SEZ6L: variants seen among roughly 807,000 people sequenced by gnomAD.
SEZ6L encodes seizure 6-like protein.
In SEZ6L, 37 loss-of-function variants were observed where a neutral mutation model predicts 106.2. The ratio of observed to expected loss-of-function variants is 0.35; its 90% CI spans 0.27 to 0.46. SEZ6L has a LOEUF of 0.46. Among genes scored for constraint, SEZ6L ranks in the 20% least tolerant of loss-of-function variants. The pLI is 1.00. For missense variants in SEZ6L, 1,172 were observed against 1,332.8 expected (o/e 0.88, Z 1.88); for synonymous variants, 541 against 570.4 (o/e 0.95, Z 0.73).
chr22:26,222,339 GGC>G (rs1391465716), intron 1 of SEZ6L, among the ~76,000 whole-genome samples: 1 of 152,206 alleles, frequency 6.6e-6, no homozygotes, highest in Non-Finnish European at 1.5e-5. Context: ...GAGGTTAAGT[GGC>G]TTATGCAAGG....
At chr22:26,274,749 G>A (rs867662793) in intron 1 of SEZ6L, among the ~76,000 whole-genome samples, 33 of 152,286 alleles carry the variant, frequency 2.2e-4, no homozygotes, top group Non-Finnish European at 4.3e-4. Flanking sequence ...CTCCGTGTGG[G>A]GCCCCATGGA....
intron 9 of SEZ6L, among the ~76,000 whole-genome samples, chr22:26,336,917 G>A (rs1029680236): frequency 6.6e-6 from 1 of 152,154 alleles, no homozygotes; most frequent in Admixed American, 6.5e-5. Context: ...ATCCAAAGAA[G>A]GATGATGGTG....
Position 26,299,044 on chromosome 22 carries a change from A to G in SEZ6L, c.1223A>G (p.Asp408Gly), listed in dbSNP as rs1252819140. 2 of 1,606,740 alleles carry G rather than the reference A, an allele frequency of 1.2e-6. No individual in the cohort carries two copies. The highest frequency in any genetic ancestry group is 4.5e-5 in the East Asian group (2 of 44,098). ...GACTCTGGGGATGTCACGGTGATGG[A>G]CCTGCACTCAGGTGGGGTGGCCCAC... ...RPDSGDVTVMDLHSGGVAHFH... is the reference protein window; with the variant it reads ...RPDSGDVTVMGLHSGGVAHFH... The change falls in exon 5 of 17, where the codon GAC becomes GGC. Residue 408 changes from aspartate (D) to glycine (G), a missense_variant. By Grantham distance (94) the Asp-to-Gly change is moderately conservative. This residue lies in a region of SEZ6L where 534 missense variants were observed against 691.0 expected (regional missense o/e 0.77). Transcript: ENST00000248933.
At chr22:26,361,766 T>G (rs1054596568) in intron 12 of SEZ6L, among the ~76,000 whole-genome samples, 1 of 152,122 alleles carries the variant, frequency 6.6e-6, no homozygotes, top group Non-Finnish European at 1.5e-5. Context: ...ATGTGCATCC[T>G]GAGCCCTTGG....
At chr22:26,318,396 G>T (rs1251760194) in intron 9 of SEZ6L, among the ~76,000 whole-genome samples, 1 of 130,360 alleles carries the variant, frequency 7.7e-6, no homozygotes, top group Non-Finnish European at 1.6e-5. Context: ...TTTAAAAATA[G>T]CATCCCCTCC....
intron 1 of SEZ6L, among the ~76,000 whole-genome samples, chr22:26,234,292 C>T (rs777967933): frequency 1.6e-4 from 25 of 152,166 alleles, no homozygotes; most frequent in Non-Finnish European, 2.4e-4. Flanking sequence ...CCAAAGCCCA[C>T]GCTCTCTTGG....
intron 12 of SEZ6L, 141 bp downstream of exon 12, chr22:26,351,384 A>T (rs2083273326): frequency 1.5e-6 from 1 of 647,456 alleles, no homozygotes; most frequent in Non-Finnish European, 2.6e-6. Flanking sequence ...ACAAAACAGT[A>T]CCTAACACTG....
At chr22:26,331,912 A>G (rs1476293275) in intron 9 of SEZ6L, among the ~76,000 whole-genome samples, 1 of 151,964 alleles carries the variant, frequency 6.6e-6, no homozygotes, top group Non-Finnish European at 1.5e-5. Context: ...AAACCCGGGG[A>G]GGGTGGAGGT....
chr22:26,280,413 G>A (rs2080724381), intron 1 of SEZ6L, among the ~76,000 whole-genome samples: 1 of 151,938 alleles, frequency 6.6e-6, no homozygotes, highest in Non-Finnish European at 1.5e-5. Flanking sequence ...TTCTTTCAAA[G>A]TTCCTTTATG....
At chr22:26,291,747 T>A (rs1416952376) in intron 1 of SEZ6L, among the ~76,000 whole-genome samples, 2 of 152,218 alleles carry the variant, frequency 1.3e-5, no homozygotes. Flanking sequence ...TGCCCAACTG[T>A]ACATGGCATG....
intron 11 of SEZ6L, among the ~76,000 whole-genome samples, chr22:26,348,638 AAGAAAGAAAAAGAAAGAAAG>A (rs1408606061): frequency 4.1e-4 from 13 of 31,478 alleles, no homozygotes; most frequent in East Asian, 2.8e-3. Context: ...GAAAGAAAGA[AAGAAAGAAAAAGAAAGAAAG>A]AAAGAAAGAA....
At chr22:26,210,549 T>C (rs745955147) in intron 1 of SEZ6L, among the ~76,000 whole-genome samples, 22 of 152,334 alleles carry the variant, frequency 1.4e-4, no homozygotes, top group Admixed American at 1.1e-3. Context: ...CACGCCACAG[T>C]GGCCTAGTCA....
chr22:26,292,593 C>T lies in SEZ6L; in HGVS notation c.282C>T (p.His94=), dbSNP rs372902970. 5.0e-6 allele frequency: 8 copies of T among 1,613,574 alleles called. No homozygotes were observed. The highest frequency in any genetic ancestry group is 1.3e-5 in the African/African-American group (1 of 75,030). The part of the protein sequence containing the change: ...VLDGTAPSAH[H]DIPALSPLLP... ...ATGGGACCGCACCCTCTGCACATCACGACATCCCAGCCCTGTCACCGCTGC... is the reference window on the plus strand; with the variant it reads ...ATGGGACCGCACCCTCTGCACATCATGACATCCCAGCCCTGTCACCGCTGC... The change falls in exon 2 of 17, where the codon CAC becomes CAT. Residue 94 remains histidine, a synonymous_variant. Transcript: ENST00000248933.
chr22:26,169,729 G>A lies in SEZ6L; in HGVS notation c.60G>A (p.Leu20=). The stretch of plus-strand genomic sequence containing the variant: ...GCGGGATCTCGCTGTTCCTCGCTCT[G>A]CTCCTGGGGAGCCCGGCGGCAGCGC... The part of the protein sequence containing the change: ...GLRGISLFLA[L]LLGSPAAALE... Residue 20 remains leucine (L), a synonymous_variant, in exon 1 of 17, where the codon CTG becomes CTA. Coordinates refer to ENST00000248933, the MANE Select transcript of SEZ6L (RefSeq NM_021115.5). 7.9e-7 allele frequency: 1 copy of A among 1,270,022 alleles called. No individual in the cohort carries two copies. The highest frequency in any genetic ancestry group is 9.9e-7 in the Non-Finnish European group (1 of 1,009,144). The allele number at this position is 1,270,022 out of a possible 1,614,324, so 78.7% of individuals were successfully genotyped here. A position where few individuals can be genotyped will look rare whatever the true frequency, so the allele number is the denominator to read the frequency against.
chr22:26,348,185 C>T (rs1188645406), intron 11 of SEZ6L, among the ~76,000 whole-genome samples: 1 of 151,890 alleles, frequency 6.6e-6, no homozygotes, highest in African/African-American at 2.4e-5. Context: ...TGAATGGGAG[C>T]GTATGTAGCC....
At chr22:26,299,324 T>C (rs904685139) in intron 5 of SEZ6L, among the ~76,000 whole-genome samples, 155 bp downstream of exon 5, 2 of 152,190 alleles carry the variant, frequency 1.3e-5, no homozygotes, top group South Asian at 2.1e-4. Flanking sequence ...TATGTTTTTA[T>C]TGGAGTAAAA....
At chr22:26,367,341 TTTTG>T (rs922808546) in intron 13 of SEZ6L, among the ~76,000 whole-genome samples, 10 of 151,830 alleles carry the variant, frequency 6.6e-5, no homozygotes, top group Admixed American at 3.3e-4. Flanking sequence ...GTTTGTTTGT[TTTTG>T]TTTGTTTGTT....
chr22:26,370,705 A>G (rs1237351032), intron 13 of SEZ6L, among the ~76,000 whole-genome samples: 8 of 151,954 alleles, frequency 5.3e-5, no homozygotes, highest in Non-Finnish European at 2.9e-5. Flanking sequence ...CAGAAAAAAA[A>G]AAAGAAAAGA....
intron 15 of SEZ6L, among the ~76,000 whole-genome samples, chr22:26,377,119 T>A (rs1344154819): frequency 1.3e-5 from 2 of 151,100 alleles, no homozygotes; most frequent in East Asian, 3.9e-4. Flanking sequence ...AGAGCTCGCC[T>A]CTTAAAAAAT....
Sources: allele counts gnomAD v4.1 joint callset (sites outside exome capture counted in the v4.1 genomes callset), GRCh38; gene constraint gnomAD v4.1.1; regional missense constraint gnomAD v4.1.1; transcripts MANE v1.5; gene names NCBI Gene and HGNC (gene_info 2026-07-23, HGNC 2026-07-21).